Variants in LRMDA observed in about 807,000 individuals in gnomAD.
LRMDA encodes the protein leucine rich melanocyte differentiation associated.
Under a neutral mutation model 29.8 loss-of-function variants are expected in LRMDA, and 18 were observed. That is an observed-to-expected ratio of 0.60 (90% CI 0.42 to 0.90). LRMDA has a LOEUF of 0.90. Among genes scored for constraint, LRMDA ranks in the 40% least tolerant of loss-of-function variants. The probability of loss-of-function intolerance (pLI) is 0.00; values close to 1 mark genes in which losing one functional copy is unlikely to be tolerated. For synonymous variants in LRMDA, 125 were observed against 109.4 expected, an observed-to-expected ratio of 1.14 and a Z score of -0.89; for missense variants, 273 against 273.9, an observed-to-expected ratio of 1.00 and a Z score of 0.02.
intron 6 of LRMDA, among the ~76,000 whole-genome samples, chr10:76,384,196 T>C (rs1841631944): frequency 6.6e-6 from 1 of 152,218 alleles, no homozygotes; most frequent in Non-Finnish European, 1.5e-5. Context: ...GTAAAGTTTA[T>C]GTCATTTTTC....
At chr10:75,709,265 G>T (rs1842406797) in intron 2 of LRMDA, among the ~76,000 whole-genome samples, 2 of 152,108 alleles carry the variant, frequency 1.3e-5, no homozygotes, top group Admixed American at 1.3e-4. Flanking sequence ...AATTTATAGA[G>T]TAGATTGCAA....
chr10:75,449,926 GGTGT>G (rs1486442186), intron 2 of LRMDA, among the ~76,000 whole-genome samples: 1 of 152,026 alleles, frequency 6.6e-6, no homozygotes, highest in Non-Finnish European at 1.5e-5. Context: ...GGTGCGTGGG[GGTGT>G]GTGTGTATTT....
intron 2 of LRMDA, among the ~76,000 whole-genome samples, chr10:75,818,131 G>A (rs1844092257): frequency 1.3e-5 from 2 of 152,174 alleles, no homozygotes; most frequent in African/African-American, 4.8e-5. Flanking sequence ...ATGTCCTCCA[G>A]AAAATGTCTG....
intron 6 of LRMDA, among the ~76,000 whole-genome samples, chr10:76,431,621 C>T (rs1449065308): frequency 6.6e-6 from 1 of 152,116 alleles, no homozygotes; most frequent in Non-Finnish European, 1.5e-5. Context: ...TCAGTGCTGC[C>T]TGTTGTTATT....
intron 2 of LRMDA, among the ~76,000 whole-genome samples, chr10:75,721,468 G>C (rs558001211): frequency 6.6e-6 from 1 of 152,302 alleles, no homozygotes; most frequent in South Asian, 2.1e-4. Context: ...AGTATATTAA[G>C]ATTTGGGGTT....
At chr10:76,122,953 C>G (rs1849815217) in intron 5 of LRMDA, among the ~76,000 whole-genome samples, 2 of 152,166 alleles carry the variant, frequency 1.3e-5, no homozygotes, top group South Asian at 4.1e-4. Context: ...GTTATGTCTC[C>G]TGGATCATCT....
intron 2 of LRMDA, among the ~76,000 whole-genome samples, chr10:75,886,378 C>T (rs1334348199): frequency 6.6e-6 from 1 of 152,078 alleles, no homozygotes; most frequent in Non-Finnish European, 1.5e-5. Flanking sequence ...ATGGTAGGAC[C>T]ACAAATAGGT....
chr10:76,221,278 T>C (rs1174259154), intron 5 of LRMDA, among the ~76,000 whole-genome samples: 43 of 152,244 alleles, frequency 2.8e-4, no homozygotes, highest in Admixed American at 1.5e-3. Flanking sequence ...CCAGGGCCAT[T>C]AGGCAGGAGA....
At chr10:75,787,755 C>T (rs1234041618) in intron 2 of LRMDA, among the ~76,000 whole-genome samples, 5 of 152,134 alleles carry the variant, frequency 3.3e-5, no homozygotes, top group East Asian at 1.9e-4. Flanking sequence ...AAGGGGTGGG[C>T]GAGGTGGCTT....
intron 2 of LRMDA, among the ~76,000 whole-genome samples, chr10:75,681,379 C>T (rs1842020767): frequency 2.6e-5 from 4 of 152,222 alleles, no homozygotes; most frequent in Non-Finnish European, 5.9e-5. Context: ...GCTATTTCCA[C>T]AATAATGCTA....
intron 6 of LRMDA, among the ~76,000 whole-genome samples, chr10:76,459,636 G>A (rs530965989): frequency 2.0e-5 from 3 of 152,272 alleles, no homozygotes; most frequent in South Asian, 4.2e-4. Flanking sequence ...AATGGTTGCT[G>A]TAAATGCTTC....
intron 2 of LRMDA, among the ~76,000 whole-genome samples, chr10:76,024,788 T>G (rs2132494939): frequency 6.6e-6 from 1 of 152,292 alleles, no homozygotes; most frequent in African/African-American, 2.4e-5. Context: ...TCTGTTGAAT[T>G]AAAAATTCCC....
intron 2 of LRMDA, among the ~76,000 whole-genome samples, chr10:75,771,244 A>C (rs1036676298): frequency 1.3e-5 from 2 of 149,214 alleles, no homozygotes; most frequent in African/African-American, 5.0e-5. Context: ...ACACAGGTTC[A>C]CTCCCTCCCT....
chr10:75,671,631 T>C (rs1249539053), intron 2 of LRMDA, among the ~76,000 whole-genome samples: 2 of 152,084 alleles, frequency 1.3e-5, no homozygotes, highest in South Asian at 2.1e-4. Context: ...CACCAGGGCC[T>C]GTCGTGGGGT....
In LRMDA at chr10:76,530,958, A is replaced by G. The variant is rs147330414; in HGVS notation, c.602-26251A>G. On this transcript the variant is annotated intron_variant, in intron 6 of 6. Transcript: ENST00000611255. ...CAATGCTGATGTAGAAGATAATTCTATGAAAAGATCCTCAGAACTGAGAAC... is the reference window on the plus strand; with the variant it reads ...CAATGCTGATGTAGAAGATAATTCTGTGAAAAGATCCTCAGAACTGAGAAC... 2.2e-4 allele frequency among the ~76,000 whole-genome samples: 34 copies of G among 152,320 alleles called. 1 individual carries two copies. The East Asian group carries it at 6.6e-3, about 29-fold the overall frequency.
chr10:75,442,018 T>C (rs559839366), intron 2 of LRMDA, among the ~76,000 whole-genome samples: 1 of 152,360 alleles, frequency 6.6e-6, no homozygotes, highest in South Asian at 2.1e-4. Context: ...CCATGTCCTT[T>C]AGCCTCCCAG....
At chr10:76,276,061 T>A (rs1403249384) in intron 5 of LRMDA, among the ~76,000 whole-genome samples, 33 of 147,990 alleles carry the variant, frequency 2.2e-4, no homozygotes, top group African/African-American at 7.5e-4. Context: ...ATCTCTTTCT[T>A]TCTCTCTTTC....
At chr10:75,652,817 G>C (rs1001968809) in intron 2 of LRMDA, among the ~76,000 whole-genome samples, 2 of 152,158 alleles carry the variant, frequency 1.3e-5, no homozygotes, top group African/African-American at 4.8e-5. Context: ...ATTAATGCCT[G>C]TTTCTAGTTT....
chr10:75,957,143 G>A (rs768267937), intron 2 of LRMDA, among the ~76,000 whole-genome samples: 9 of 152,252 alleles, frequency 5.9e-5, no homozygotes, highest in Non-Finnish European at 1.2e-4. Context: ...ATGCACTGAT[G>A]ATGGCACACA....
Sources: gnomAD v4.1 joint callset for allele counts (sites outside exome capture counted in the v4.1 genomes callset) on GRCh38, gnomAD v4.1.1 for gene constraint, MANE v1.5 for transcripts, NCBI Gene and HGNC (gene_info 2026-07-23, HGNC 2026-07-21) for gene names.